PLD5: variants seen among roughly 807,000 people sequenced by gnomAD.
The protein encoded by PLD5 is phospholipase D family member 5.
PLD5 carries 36 observed loss-of-function variants against 61.1 expected under a neutral mutation model. The ratio of observed to expected loss-of-function variants is 0.59; its 90% CI spans 0.45 to 0.78. The LOEUF (loss-of-function observed/expected upper bound fraction) is 0.78, where lower values mean the gene tolerates loss of function less well. PLD5 is among the 30% of genes least tolerant of loss of function. The probability of loss-of-function intolerance (pLI) is 0.00; values close to 1 mark genes in which losing one functional copy is unlikely to be tolerated. For synonymous variants in PLD5, 243 were observed against 242.8 expected (o/e 1.00, Z -0.01); for missense variants, 515 against 644.4 (o/e 0.80, Z 2.17).
At chr1:242,217,498 C>T (rs1670290365) in intron 5 of PLD5, among the ~76,000 whole-genome samples, 1 of 151,312 alleles carries the variant, frequency 6.6e-6, no homozygotes, top group Non-Finnish European at 1.5e-5. Context: ...GTGGTACATG[C>T]CTGTAATCCC....
chr1:242,503,779 A>AT (rs564950516), intron 1 of PLD5, among the ~76,000 whole-genome samples: 29 of 150,948 alleles, frequency 1.9e-4, no homozygotes, highest in Non-Finnish European at 2.5e-4. Flanking sequence ...TGGCCTTTGA[A>AT]TTTTTTTTTT....
chr1:242,423,291 A>C (rs1259273345), intron 1 of PLD5, among the ~76,000 whole-genome samples: 2 of 152,184 alleles, frequency 1.3e-5, no homozygotes, highest in Admixed American at 6.5e-5. Context: ...CATCAGGAAA[A>C]TAGGACATAA....
At chr1:242,260,484 G>C (rs56337409) in intron 4 of PLD5, among the ~76,000 whole-genome samples, 39,466 of 151,828 alleles carry the variant, frequency 0.26, 5,801 homozygotes, top group Non-Finnish European at 0.34. Flanking sequence ...TAGCTTGTTT[G>C]TGAAGTCTAC....
At chr1:242,206,544 T>A (rs1428829546) in intron 5 of PLD5, among the ~76,000 whole-genome samples, 1 of 152,248 alleles carries the variant, frequency 6.6e-6, no homozygotes, top group Admixed American at 6.5e-5. Flanking sequence ...ACTAATAGCC[T>A]ACTGTTGACC....
intron 2 of PLD5, among the ~76,000 whole-genome samples, chr1:242,315,450 G>A (rs916619280): frequency 9.9e-5 from 15 of 152,018 alleles, no homozygotes; most frequent in African/African-American, 3.6e-4. Context: ...CTAGACGTTC[G>A]GGAAATACAG....
chr1:242,452,884 A>T (rs541078793), intron 1 of PLD5, among the ~76,000 whole-genome samples: 10 of 151,396 alleles, frequency 6.6e-5, no homozygotes, highest in Non-Finnish European at 1.5e-4. Flanking sequence ...ATCTTCCCAC[A>T]CACCCCTAAC....
chr1:242,299,571 T>A (rs1279411686), intron 2 of PLD5, among the ~76,000 whole-genome samples: 11 of 152,196 alleles, frequency 7.2e-5, no homozygotes, highest in Non-Finnish European at 1.6e-4. Flanking sequence ...CTCTTCCAAG[T>A]TTCAAAACAA....
chr1:242,124,533 C>T lies in PLD5; in HGVS notation c.868G>A (p.Val290Ile). ...PQTWSKRLYGVYDNEKKLQLQ... is the reference protein window; with the variant it reads ...PQTWSKRLYGIYDNEKKLQLQ... ...TGCAATTTCTTTTCATTGTCATAGA[C>T]TCCATAGAGTCTTTTGGACCAGGTT... The change falls in exon 6 of 10, where the codon GTC (valine) becomes ATC (isoleucine). Residue 290 changes from valine (V) to isoleucine (I), a missense_variant. Val to Ile is a conservative substitution (Grantham distance 29, BLOSUM62 3). Transcript: ENST00000536534. 8 of 1,614,108 alleles carry T rather than the reference C, an allele frequency of 5.0e-6. No homozygotes were observed. The highest frequency in any genetic ancestry group is 6.8e-6 in the Non-Finnish European group (8 of 1,179,998).
chr1:242,447,724 G>C lies in PLD5; in HGVS notation c.189+76364C>G, dbSNP rs1004180628. On this transcript the variant is annotated intron_variant, in intron 1 of 9. Transcript: ENST00000536534. ...ATCGCACCCTTCCACAACTCCAAAG[G>C]AAAGTTCACTCTCTTCGGAGGTCTG... 1.8e-4 allele frequency among the ~76,000 whole-genome samples: 27 copies of C among 152,154 alleles called. 1 individual carries two copies. The highest frequency in any genetic ancestry group is 1.6e-3 in the Admixed American group (24 of 15,272).
At chr1:242,470,268 G>A (rs1291359914) in intron 1 of PLD5, among the ~76,000 whole-genome samples, 4 of 151,848 alleles carry the variant, frequency 2.6e-5, no homozygotes, top group African/African-American at 9.7e-5. Flanking sequence ...CGTGAACCCC[G>A]GAGGCGGAGC....
intron 2 of PLD5, among the ~76,000 whole-genome samples, chr1:242,302,582 G>C (rs1289032824): frequency 3.9e-5 from 6 of 152,280 alleles, no homozygotes; most frequent in Middle Eastern, 3.4e-3. Flanking sequence ...AGCCAGGTAT[G>C]GTAGCATGTG....
At chr1:242,481,887 C>T (rs565460091) in intron 1 of PLD5, among the ~76,000 whole-genome samples, 2 of 152,336 alleles carry the variant, frequency 1.3e-5, no homozygotes, top group East Asian at 3.9e-4. Context: ...CAGGCAGCAA[C>T]ATTTGCTGTT....
intron 1 of PLD5, among the ~76,000 whole-genome samples, chr1:242,452,046 G>T (rs1376221099): frequency 6.6e-6 from 1 of 152,030 alleles, no homozygotes; most frequent in Non-Finnish European, 1.5e-5. Flanking sequence ...CATCTCCCTT[G>T]ACCCTCCCAA....
At chr1:242,475,328 C>A (rs1311452880) in intron 1 of PLD5, among the ~76,000 whole-genome samples, 1 of 146,826 alleles carries the variant, frequency 6.8e-6, no homozygotes. Flanking sequence ...GAGGCTGAGG[C>A]AGGAGAATGG....
At chr1:242,111,172 TC>T (rs1395055804) in intron 7 of PLD5, among the ~76,000 whole-genome samples, 2 of 152,016 alleles carry the variant, frequency 1.3e-5, no homozygotes, top group Non-Finnish European at 2.9e-5. Flanking sequence ...TTCTCCTGTC[TC>T]AGCCTCCCGA....
chr1:242,141,433 A>G (rs551170567), intron 5 of PLD5, among the ~76,000 whole-genome samples: 9 of 152,222 alleles, frequency 5.9e-5, no homozygotes, highest in Middle Eastern at 3.4e-3. Flanking sequence ...AAACTCCTCT[A>G]TCATTGATCT....
intron 1 of PLD5, among the ~76,000 whole-genome samples, chr1:242,450,012 T>C (rs1666718272): frequency 6.6e-6 from 1 of 152,226 alleles, no homozygotes. Flanking sequence ...TGCACAGCTT[T>C]AGCTTGAAGA....
At chr1:242,455,287 T>G (rs1666910638) in intron 1 of PLD5, among the ~76,000 whole-genome samples, 1 of 152,194 alleles carries the variant, frequency 6.6e-6, no homozygotes, top group Non-Finnish European at 1.5e-5. Context: ...ATACTTGATT[T>G]TTTAACTAAT....
intron 1 of PLD5, among the ~76,000 whole-genome samples, chr1:242,452,811 G>GC (rs1372799710): frequency 4.5e-4 from 68 of 151,742 alleles, no homozygotes; most frequent in African/African-American, 1.6e-3. Context: ...ACCAGACCCT[G>GC]CCCCCCACCC....
Sources: allele counts gnomAD v4.1 joint callset (sites outside exome capture counted in the v4.1 genomes callset), GRCh38; gene constraint gnomAD v4.1.1; transcripts MANE v1.5; gene names NCBI Gene and HGNC (gene_info 2026-07-23, HGNC 2026-07-21).